The following HNF4G variants were observed in gnomAD, a reference collection of about 807,000 sequenced individuals.
HNF4G encodes the protein hepatocyte nuclear factor 4-gamma.
A neutral mutation model predicts 50.9 loss-of-function variants in HNF4G; 21 were observed. That is an observed-to-expected ratio of 0.41 (90% CI 0.29 to 0.59). The LOEUF (loss-of-function observed/expected upper bound fraction) is 0.59, where lower values mean the gene tolerates loss of function less well. Ranked by LOEUF, HNF4G falls within the 20% of genes least tolerant of loss-of-function variation. The pLI is 0.26. For missense variants in HNF4G, 527 were observed against 559.4 expected (o/e 0.94, Z 0.58); for synonymous variants, 198 against 185.6 (o/e 1.07, Z -0.54).
intron 2 of HNF4G, among the ~76,000 whole-genome samples, chr8:75,520,122 GT>G (rs1806001411): frequency 6.7e-6 from 1 of 150,158 alleles, no homozygotes; most frequent in Non-Finnish European, 1.5e-5. Context: ...TTAGTTTTTT[GT>G]TGAATAAATG....
intron 1 of HNF4G, among the ~76,000 whole-genome samples, chr8:75,410,832 C>T (rs1412875258): frequency 6.6e-6 from 1 of 152,156 alleles, no homozygotes; most frequent in African/African-American, 2.4e-5. Flanking sequence ...GGTATTTATA[C>T]CTATTGGTGT....
intron 2 of HNF4G, among the ~76,000 whole-genome samples, chr8:75,505,863 T>C (rs558629068): frequency 5.6e-4 from 85 of 152,254 alleles, no homozygotes; most frequent in Middle Eastern, 3.4e-3. Context: ...CTGTTACTAC[T>C]CAATAATTTA....
chr8:75,565,900 A>G lies in HNF4G; in HGVS notation c.*1804A>G, dbSNP rs1002499760. The G allele has an allele frequency of 6.6e-6, 1 of 152,122 alleles. No homozygotes were observed. The highest frequency in any genetic ancestry group is 2.4e-5 in the African/African-American group (1 of 41,434). The allele number at this position is 152,122 out of a possible 1,614,324, so 9.4% of individuals were successfully genotyped here. The stretch of plus-strand genomic sequence containing the variant: ...CTTGTGAAACTGTAAAATATATCAT[A>G]TGGGGGGAGTTTTTTAACTCTTATT... On this transcript the variant is annotated 3_prime_UTR_variant, in exon 10 of 10. Transcript: ENST00000396423.
intron 1 of HNF4G, among the ~76,000 whole-genome samples, chr8:75,414,642 C>T (rs1345897293): frequency 6.6e-6 from 1 of 152,144 alleles, no homozygotes; most frequent in South Asian, 2.1e-4. Context: ...CATGGGGTCA[C>T]GCAGTATTAT....
At chr8:75,449,698 G>A (rs1209714172) in intron 1 of HNF4G, among the ~76,000 whole-genome samples, 11 of 151,432 alleles carry the variant, frequency 7.3e-5, no homozygotes, top group South Asian at 4.2e-4. Flanking sequence ...TAGTAGAGAC[G>A]GGGTTTCACC....
upstream of HNF4G, among the ~76,000 whole-genome samples, chr8:75,537,538 G>C (rs574800501): frequency 9.2e-5 from 14 of 152,090 alleles, no homozygotes; most frequent in African/African-American, 3.4e-4. Context: ...GAGCTACCGT[G>C]CCTGGCTAAA....
At chr8:75,532,253 G>C (rs956401600) in intron 2 of HNF4G, among the ~76,000 whole-genome samples, 1 of 151,740 alleles carries the variant, frequency 6.6e-6, no homozygotes, top group Admixed American at 6.6e-5. Flanking sequence ...TTTCATTTCT[G>C]GCTGATTATT....
intron 1 of HNF4G, among the ~76,000 whole-genome samples, chr8:75,413,181 C>T (rs962375695): frequency 1.3e-5 from 2 of 151,464 alleles, no homozygotes; most frequent in African/African-American, 2.4e-5. Flanking sequence ...TGCAAGGCAC[C>T]GGGAAGCCAT....
chr8:75,524,473 C>G (rs933647722), intron 2 of HNF4G, among the ~76,000 whole-genome samples: 2 of 152,148 alleles, frequency 1.3e-5, no homozygotes, highest in Admixed American at 1.3e-4. Flanking sequence ...AGTATTGTAT[C>G]ATGCATAGTT....
chr8:75,502,172 A>T (rs1812946413), intron 2 of HNF4G, among the ~76,000 whole-genome samples: 1 of 152,126 alleles, frequency 6.6e-6, no homozygotes, highest in African/African-American at 2.4e-5. Context: ...GTTCTTGGTG[A>T]TTTGCAAGTA....
chr8:75,457,413 C>T (rs1010445989), intron 1 of HNF4G, among the ~76,000 whole-genome samples: 1 of 152,146 alleles, frequency 6.6e-6, no homozygotes, highest in South Asian at 2.1e-4. Flanking sequence ...TGGCTATACA[C>T]CTTATGCCTA....
At chr8:75,512,914 G>C (rs761670072) in intron 2 of HNF4G, among the ~76,000 whole-genome samples, 16 of 152,178 alleles carry the variant, frequency 1.1e-4, no homozygotes, top group Middle Eastern at 3.4e-3. Flanking sequence ...TTTGGTTTAT[G>C]TTCTAAAAGA....
intron 2 of HNF4G, among the ~76,000 whole-genome samples, chr8:75,531,289 G>A (rs189298231): frequency 6.6e-4 from 100 of 152,224 alleles, no homozygotes; most frequent in Admixed American, 1.6e-3. Flanking sequence ...AGCTCATCAA[G>A]TTCCATGAAG....
At chr8:75,502,537 T>C (rs189423561) in intron 2 of HNF4G, among the ~76,000 whole-genome samples, 2 of 152,140 alleles carry the variant, frequency 1.3e-5, no homozygotes, top group Non-Finnish European at 2.9e-5. Flanking sequence ...AAAAGTAAGC[T>C]TTTAAACATA....
chr8:75,513,334 G>A (rs1330877666), intron 2 of HNF4G, among the ~76,000 whole-genome samples: 1 of 152,156 alleles, frequency 6.6e-6, no homozygotes, highest in East Asian at 1.9e-4. Context: ...CACCGCACCT[G>A]GCCACGTTTT....
chr8:75,447,718 C>G (rs1466305138), intron 1 of HNF4G, among the ~76,000 whole-genome samples: 1 of 151,000 alleles, frequency 6.6e-6, no homozygotes, highest in Non-Finnish European at 1.5e-5. Context: ...AAATGCAAAT[C>G]AAAACCACTA....
intron 2 of HNF4G, among the ~76,000 whole-genome samples, chr8:75,523,614 A>G (rs145794155): frequency 6.6e-6 from 1 of 152,138 alleles, no homozygotes; most frequent in South Asian, 2.1e-4. Context: ...GGAAACTGGT[A>G]TGTGTAATAG....
At chr8:75,514,354 C>CTTTTTTTT (rs36078375) in intron 2 of HNF4G, among the ~76,000 whole-genome samples, 14 of 125,026 alleles carry the variant, frequency 1.1e-4, no homozygotes, top group East Asian at 4.5e-4. Context: ...TTTCTTCTTT[C>CTTTTTTTT]TTTTTTTTTT....
intron 1 of HNF4G, among the ~76,000 whole-genome samples, chr8:75,462,665 A>G (rs1429730937): frequency 2.0e-5 from 3 of 152,248 alleles, no homozygotes; most frequent in Admixed American, 6.5e-5. Context: ...AAAAAATACA[A>G]TCACAGAGAT....
Sources: allele counts gnomAD v4.1 joint callset (sites outside exome capture counted in the v4.1 genomes callset), GRCh38; gene constraint gnomAD v4.1.1; transcripts MANE v1.5; gene names NCBI Gene and HGNC (gene_info 2026-07-23, HGNC 2026-07-21).